LARP1: variants seen among roughly 807,000 people sequenced by gnomAD.
LARP1 encodes la-related protein 1.
Under a neutral mutation model 122.7 loss-of-function variants are expected in LARP1, and 36 were observed. The observed-to-expected ratio is 0.29, with a 90% confidence interval of 0.22 to 0.39. LARP1 has a LOEUF of 0.39. Ranked by LOEUF, LARP1 falls within the 10% of genes least tolerant of loss-of-function variation. The probability of loss-of-function intolerance (pLI) is 1.00; values close to 1 mark genes in which losing one functional copy is unlikely to be tolerated. For missense variants in LARP1, 1,040 were observed against 1,403.6 expected, an observed-to-expected ratio of 0.74 and a Z score of 4.14; for synonymous variants, 539 against 528.7, an observed-to-expected ratio of 1.02 and a Z score of -0.27.
intron 1 of LARP1, among the ~76,000 whole-genome samples, chr5:154,766,845 T>G (rs1013498306): frequency 2.0e-5 from 3 of 152,212 alleles, no homozygotes; most frequent in African/African-American, 7.2e-5. Flanking sequence ...GTCAGCACTG[T>G]CTCCATTGCT....
intron 1 of LARP1, among the ~76,000 whole-genome samples, chr5:154,715,368 G>C (rs1337111000): frequency 1.4e-5 from 2 of 144,766 alleles, no homozygotes; most frequent in Non-Finnish European, 3.0e-5. Flanking sequence ...GGGTTCAAGC[G>C]ATTCTCCTGC....
At chr5:154,741,381 A>C (rs1752872905) in intron 1 of LARP1, among the ~76,000 whole-genome samples, 1 of 152,250 alleles carries the variant, frequency 6.6e-6, no homozygotes, top group African/African-American at 2.4e-5. Context: ...TGAATAAAAT[A>C]GCCACGTGCT....
At chr5:154,779,698 G>A (rs151176650) in intron 1 of LARP1, among the ~76,000 whole-genome samples, 10,727 of 152,020 alleles carry the variant, frequency 0.071, 540 homozygotes, top group Middle Eastern at 0.15. Context: ...AGTAGAGACG[G>A]GGTTTCTCCA....
chr5:154,808,728 G>T (rs1365920144), intron 16 of LARP1, 125 bp downstream of exon 16: 5 of 991,278 alleles, frequency 5.0e-6, no homozygotes, highest in Admixed American at 3.2e-5. Context: ...TATACTTGAT[G>T]AAAAATTTGT....
chr5:154,732,572 T>G (rs1240811886), intron 1 of LARP1, among the ~76,000 whole-genome samples: 1 of 152,214 alleles, frequency 6.6e-6, no homozygotes, highest in African/African-American at 2.4e-5. Context: ...GTTATATTTG[T>G]TAGATATTGG....
intron 1 of LARP1, among the ~76,000 whole-genome samples, chr5:154,771,704 G>A (rs1481737291): frequency 1.3e-5 from 2 of 152,208 alleles, no homozygotes; most frequent in Admixed American, 6.5e-5. Flanking sequence ...GGGGACATAA[G>A]CCAAGTGGGT....
intron 1 of LARP1, among the ~76,000 whole-genome samples, chr5:154,773,003 T>A (rs999509134): frequency 3.6e-4 from 54 of 148,206 alleles, no homozygotes; most frequent in Non-Finnish European, 6.1e-4. Context: ...TTTTTTTTTT[T>A]AAAAGACCTT....
intron 1 of LARP1, among the ~76,000 whole-genome samples, chr5:154,716,274 C>T (rs556219622): frequency 2.0e-5 from 3 of 152,234 alleles, no homozygotes; most frequent in South Asian, 2.1e-4. Context: ...CGCCCGCCAC[C>T]ACGCCCAGCT....
At chr5:154,753,159 A>G (rs566231779), upstream of LARP1, among the ~76,000 whole-genome samples, 8 of 152,332 alleles carry the variant, frequency 5.3e-5, no homozygotes, top group Admixed American at 2.0e-4. Flanking sequence ...CTCAGGGGTC[A>G]GGGGAGGGTA....
At chr5:154,707,507 T>C (rs1755007726) in intron 1 of LARP1, among the ~76,000 whole-genome samples, 2 of 152,186 alleles carry the variant, frequency 1.3e-5, no homozygotes. Context: ...TGGTTCCTTT[T>C]AGTGGAAAAT....
At position 154,814,042 on chromosome 5, in the gene LARP1, G is replaced by A; in HGVS notation, c.3237G>A (p.Arg1079=). 6.2e-7 allele frequency: 1 copy of A among 1,614,152 alleles called. No individual in the cohort carries two copies. Among genetic ancestry groups the A allele is most frequent in the Non-Finnish European group, 8.5e-7 (1 of 1,180,024 alleles). The part of the protein sequence containing the change: ...PPTPPTGQPV[R]EDAKWTSQHS... ...CACCACCCACCGGCCAGCCTGTCCG[G>A]GAAGATGCCAAATGGACAAGCCAGC... is the stretch of plus-strand genomic sequence containing the variant. The change falls in exon 19 of 19, where the codon CGG becomes CGA. Residue 1079 remains arginine, a synonymous_variant. Transcript: ENST00000518297.
intron 3 of LARP1, among the ~76,000 whole-genome samples, chr5:154,791,366 ATCATGCCTGGC>A (rs1757338739): frequency 6.6e-6 from 1 of 151,554 alleles, no homozygotes; most frequent in East Asian, 2.0e-4. Flanking sequence ...GGCACCCACC[ATCATGCCTGGC>A]TAATTTTTGT....
At position 154,756,038 on chromosome 5, in the gene LARP1, A is replaced by AGGGCGGCGGCGAGCC; in HGVS notation, c.282_296dup (p.Gly96_Gly100dup). The AGGGCGGCGGCGAGCC allele has an allele frequency of 9.5e-7, 1 of 1,052,762 alleles. No homozygotes were observed. The highest frequency in any genetic ancestry group is 1.1e-6 in the Non-Finnish European group (1 of 871,152). 65.2% of individuals were successfully genotyped at this position (1,052,762 alleles called of 1,614,324 possible). A position where few individuals can be genotyped will look rare whatever the true frequency, so the allele number is the denominator to read the frequency against. ...GGCCCGGCCATCAGCGACGGGGAGGAGGGCGGCGGCGAGCCAGGCGCTGGC... is the reference window on the plus strand; with the variant it reads ...GGCCCGGCCATCAGCGACGGGGAGGAGGGCGGCGGCGAGCCGGGCGGCGGCGAGCCAGGCGCTGGC... On this transcript the variant is annotated inframe_insertion, in exon 1 of 19. Coordinates refer to ENST00000518297, the MANE Select transcript of LARP1 (RefSeq NM_033551.3).
intron 1 of LARP1, among the ~76,000 whole-genome samples, chr5:154,735,853 G>A (rs2113430179): frequency 6.6e-6 from 1 of 152,136 alleles, no homozygotes; most frequent in Middle Eastern, 3.4e-3. Flanking sequence ...TTACAGGCAT[G>A]AGGCACTGCA....
At chr5:154,754,867 G>A (rs1025760251), upstream of LARP1, among the ~76,000 whole-genome samples, 1 of 152,122 alleles carries the variant, frequency 6.6e-6, no homozygotes, top group African/African-American at 2.4e-5. Context: ...GCGGATGAGG[G>A]TCCTCCCTTC....
At chr5:154,713,511 A>T (rs1465918736) in intron 1 of LARP1, among the ~76,000 whole-genome samples, 1 of 152,232 alleles carries the variant, frequency 6.6e-6, no homozygotes, top group Admixed American at 6.5e-5. Context: ...TTTAGCCAAA[A>T]GCAGTGTAGT....
chr5:154,787,258 A>G (rs1756965337), intron 1 of LARP1, among the ~76,000 whole-genome samples: 1 of 152,204 alleles, frequency 6.6e-6, no homozygotes, highest in Admixed American at 6.5e-5. Flanking sequence ...AGGTTTCAGA[A>G]TGCAGGGGTA....
intron 1 of LARP1, among the ~76,000 whole-genome samples, chr5:154,684,007 A>T (rs1211598232): frequency 6.6e-6 from 1 of 152,194 alleles, no homozygotes; most frequent in Non-Finnish European, 1.5e-5. Context: ...ATATTTGGTT[A>T]TAAGAAGTTG....
chr5:154,701,542 AG>A (rs768398494), intron 1 of LARP1, among the ~76,000 whole-genome samples: 2 of 152,040 alleles, frequency 1.3e-5, no homozygotes, highest in Admixed American at 6.6e-5. Context: ...GTGATGGGCC[AG>A]GAATAGATAT....
Sources: gnomAD v4.1 joint callset for allele counts (sites outside exome capture counted in the v4.1 genomes callset) on GRCh38, gnomAD v4.1.1 for gene constraint, MANE v1.5 for transcripts, NCBI Gene and HGNC (gene_info 2026-07-23, HGNC 2026-07-21) for gene names.